The following REV1 variants were observed in gnomAD, a reference collection of about 807,000 sequenced individuals.
REV1 encodes REV1 DNA directed polymerase.
In REV1, 42 loss-of-function variants were observed where a neutral mutation model predicts 137.4. That is an observed-to-expected ratio of 0.31 (90% CI 0.24 to 0.40). The LOEUF is 0.40. REV1 is among the 10% of genes least tolerant of loss of function. The pLI, the probability that REV1 is intolerant of heterozygous loss-of-function variation, is 1.00. For missense variants in REV1, 1,282 were observed against 1,490.1 expected (o/e 0.86, Z 2.30); for synonymous variants, 524 against 519.2 (o/e 1.01, Z -0.12).
chr2:99,465,658 C>A (rs752939266), intron 1 of REV1, among the ~76,000 whole-genome samples: 1 of 152,158 alleles, frequency 6.6e-6, no homozygotes, highest in African/African-American at 2.4e-5. Flanking sequence ...TAAAAAGAGG[C>A]TAAATGAAAC....
At chr2:99,409,869 A>AC (rs1676888078) in intron 14 of REV1, among the ~76,000 whole-genome samples, 1 of 89,018 alleles carries the variant, frequency 1.1e-5, no homozygotes, top group Non-Finnish European at 2.6e-5. Flanking sequence ...CCCCCCCCCA[A>AC]AAAAAACAGC....
intron 10 of REV1, among the ~76,000 whole-genome samples, chr2:99,423,338 G>C (rs1267602260): frequency 6.6e-6 from 1 of 152,228 alleles, no homozygotes; most frequent in African/African-American, 2.4e-5. Context: ...CTGCCCAGGA[G>C]TTGACAAACC....
At chr2:99,416,473 G>A (rs1216880881) in intron 12 of REV1, among the ~76,000 whole-genome samples, 1 of 152,070 alleles carries the variant, frequency 6.6e-6, no homozygotes, top group South Asian at 2.1e-4. Flanking sequence ...AAGGATTTGG[G>A]GATTTTATGA....
chr2:99,477,694 G>C (rs972947243), intron 1 of REV1, among the ~76,000 whole-genome samples: 4 of 152,154 alleles, frequency 2.6e-5, no homozygotes, highest in Non-Finnish European at 4.4e-5. Flanking sequence ...ACAAACATTT[G>C]TATGTCCCAG....
chr2:99,438,426 A>G, intron 6 of REV1, 175 bp downstream of exon 6: 1 of 573,352 alleles, frequency 1.7e-6, no homozygotes, highest in Non-Finnish European at 3.0e-6. Context: ...TAATTGTTTT[A>G]AAAATATTTT....
chr2:99,488,885 CTTG>C (rs1300074805), intron 1 of REV1, among the ~76,000 whole-genome samples: 3 of 152,306 alleles, frequency 2.0e-5, no homozygotes, highest in Non-Finnish European at 4.4e-5. Context: ...GTTACAAGCC[CTTG>C]TTGTGCTATG....
chr2:99,411,000 A>G, intron 13 of REV1, 133 bp from the exon 14 acceptor site: 1 of 819,414 alleles, frequency 1.2e-6, no homozygotes, highest in East Asian at 3.1e-5. Flanking sequence ...ATTAAAAAGA[A>G]ACGTGGCCAG....
At chr2:99,462,686 A>C in intron 2 of REV1, 64 bp from the exon 3 acceptor site, 1 of 1,547,258 alleles carries the variant, frequency 6.5e-7, no homozygotes, top group Non-Finnish European at 8.7e-7. Context: ...TTTTTGAAAA[A>C]AAAAAATTTT....
chr2:99,431,004 T>C (rs938579611), intron 8 of REV1, among the ~76,000 whole-genome samples: 7 of 152,174 alleles, frequency 4.6e-5, no homozygotes, highest in African/African-American at 1.7e-4. Context: ...AACACATAAC[T>C]AAGAAACCCA....
At chr2:99,408,558 G>C (rs1369795501) in intron 14 of REV1, among the ~76,000 whole-genome samples, 2 of 152,210 alleles carry the variant, frequency 1.3e-5, no homozygotes, top group Non-Finnish European at 2.9e-5. Flanking sequence ...ATATTCAGAA[G>C]AGAAAGATAA....
At chr2:99,474,414 T>C (rs1685744108) in intron 1 of REV1, among the ~76,000 whole-genome samples, 1 of 152,210 alleles carries the variant, frequency 6.6e-6, no homozygotes, top group Admixed American at 6.5e-5. Context: ...AATAATGGTA[T>C]CAATATGAAC....
chr2:99,475,245 TCA>T (rs2105269793), intron 1 of REV1, among the ~76,000 whole-genome samples: 1 of 152,324 alleles, frequency 6.6e-6, no homozygotes, highest in African/African-American at 2.4e-5. Flanking sequence ...GAACGGGACC[TCA>T]CATTCTGTAT....
At chr2:99,462,682 A>G (rs1208203854) in intron 2 of REV1, 60 bp from the exon 3 acceptor site, 27 of 1,315,682 alleles carry the variant, frequency 2.1e-5, no homozygotes, top group East Asian at 2.7e-5. Context: ...CCCTTTTTTG[A>G]AAAAAAAAAA....
At chr2:99,450,011 A>G (rs950318049) in intron 3 of REV1, among the ~76,000 whole-genome samples, 13 of 152,156 alleles carry the variant, frequency 8.5e-5, no homozygotes, top group African/African-American at 2.9e-4. Flanking sequence ...ACTTCTAGAA[A>G]GCTTTATAAT....
At chr2:99,487,190 G>A (rs1220690165) in intron 1 of REV1, among the ~76,000 whole-genome samples, 1 of 152,208 alleles carries the variant, frequency 6.6e-6, no homozygotes, top group African/African-American at 2.4e-5. Context: ...ACTGGGGTAG[G>A]TTGCTGAAAG....
chr2:99,483,560 T>A (rs892347934), intron 1 of REV1, among the ~76,000 whole-genome samples: 2 of 152,242 alleles, frequency 1.3e-5, no homozygotes, highest in African/African-American at 4.8e-5. Context: ...TCTCAAAGCA[T>A]CCTATGTGGA....
chr2:99,489,004 T>G (rs1371115691), intron 1 of REV1, among the ~76,000 whole-genome samples: 2 of 152,186 alleles, frequency 1.3e-5, no homozygotes, highest in Non-Finnish European at 2.9e-5. Flanking sequence ...TATCTGCAAT[T>G]TATCTTACGG....
At chr2:99,478,413 C>T (rs1050888169) in intron 1 of REV1, among the ~76,000 whole-genome samples, 2 of 152,140 alleles carry the variant, frequency 1.3e-5, no homozygotes, top group African/African-American at 4.8e-5. Context: ...TCAAAGTCAG[C>T]ATGTCCATAA....
chr2:99,465,846 T>G (rs1307983824), intron 1 of REV1, among the ~76,000 whole-genome samples: 1 of 152,244 alleles, frequency 6.6e-6, no homozygotes, highest in East Asian at 1.9e-4. Flanking sequence ...AAATCAGCTC[T>G]GATATGATCT....
Sources: gnomAD v4.1 joint callset for allele counts (sites outside exome capture counted in the v4.1 genomes callset) on GRCh38, gnomAD v4.1.1 for gene constraint, MANE v1.5 for transcripts, NCBI Gene and HGNC (gene_info 2026-07-23, HGNC 2026-07-21) for gene names.